The following ADGRD1 variants were observed in gnomAD, a reference collection of about 807,000 sequenced individuals.
ADGRD1 encodes G-protein coupled receptor 133.
A neutral mutation model predicts 113.4 loss-of-function variants in ADGRD1; 77 were observed. The ratio of observed to expected loss-of-function variants is 0.68; its 90% CI spans 0.57 to 0.82. ADGRD1 has a LOEUF of 0.82. Ranked by LOEUF, ADGRD1 falls within the 40% of genes least tolerant of loss-of-function variation. The pLI is 0.00. For missense variants in ADGRD1, 1,036 were observed against 1,139.1 expected (o/e 0.91, Z 1.30); for synonymous variants, 474 against 475.0 (o/e 1.00, Z 0.03).
rs1025827605 is a variant in ADGRD1, at chr12:131,139,921, G to A, written c.*658G>A. 1.3e-5 allele frequency: 2 copies of A among 152,574 alleles called. No individual in the cohort carries two copies. Among genetic ancestry groups the A allele is most frequent in the African/African-American group, 4.8e-5 (2 of 41,480 alleles). 9.5% of individuals were successfully genotyped at this position (152,574 alleles called of 1,614,324 possible). On this transcript the variant is annotated 3_prime_UTR_variant, in exon 25 of 25. Transcript: ENST00000261654. ...TGGGCGGGAGTCGTTGACTCTCCAG[G>A]TGAGGGCGACCCCTCTGCCCTGTCC... is the stretch of plus-strand genomic sequence containing the variant.
intron 22 of ADGRD1, 108 bp from the exon 23 acceptor site, chr12:131,136,865 A>G (rs1009031527): frequency 2.5e-5 from 22 of 892,656 alleles, no homozygotes; most frequent in Non-Finnish European, 3.4e-5. Context: ...ACCTGGTGTC[A>G]CAGTGTGCGG....
intron 13 of ADGRD1, among the ~76,000 whole-genome samples, chr12:131,032,709 C>A (rs1005211977): frequency 7.3e-6 from 1 of 137,524 alleles, no homozygotes; most frequent in African/African-American, 3.4e-5. Context: ...ATCGCCACCC[C>A]ATCACAGAGA....
intron 2 of ADGRD1, chr12:130,957,261 A>C (rs1302812439): frequency 2.6e-5 from 4 of 152,354 alleles, no homozygotes; most frequent in African/African-American, 9.7e-5. Flanking sequence ...ACACACATCC[A>C]CATGCATCCA....
rs149530758 is a variant in ADGRD1 at position 131,073,557 on chromosome 12, G to A, written c.1474-3244G>A. ...TTTTGCTTGGGACAATGTTGGACACGTAGCTCCCCAAATTATTTACAGGTA... is the reference window on the plus strand; with the variant it reads ...TTTTGCTTGGGACAATGTTGGACACATAGCTCCCCAAATTATTTACAGGTA... On this transcript the variant is annotated intron_variant, in intron 13 of 24. Coordinates refer to ENST00000261654, the MANE Select transcript of ADGRD1 (RefSeq NM_198827.5). Among the ~76,000 whole-genome samples, 68 of 152,304 alleles carry A rather than the reference G, an allele frequency of 4.5e-4. 1 individual carries two copies. The highest frequency in any genetic ancestry group is 1.7e-3 in the Admixed American group (26 of 15,304).
intron 21 of ADGRD1, among the ~76,000 whole-genome samples, chr12:131,133,580 A>C (rs1299563391): frequency 2.0e-5 from 3 of 152,194 alleles, no homozygotes; most frequent in Non-Finnish European, 4.4e-5. Context: ...CAGCCCAGGG[A>C]TGCGTCCCTT....
At chr12:131,129,364 T>C (rs1211733) in intron 20 of ADGRD1, among the ~76,000 whole-genome samples, 62,494 of 98,496 alleles carry the variant, frequency 0.63, 20,661 homozygotes, top group Non-Finnish European at 0.72. Context: ...AGTGACAGGC[T>C]GGCCCTCCTG....
chr12:131,090,964 G>A (rs916340546), intron 15 of ADGRD1, among the ~76,000 whole-genome samples: 1 of 152,150 alleles, frequency 6.6e-6, no homozygotes, highest in African/African-American at 2.4e-5. Flanking sequence ...GAAACATGGC[G>A]TCATCTCTGG....
intron 13 of ADGRD1, among the ~76,000 whole-genome samples, chr12:131,045,681 G>A (rs1882625592): frequency 6.6e-6 from 1 of 152,186 alleles, no homozygotes; most frequent in African/African-American, 2.4e-5. Context: ...TCACCATGCT[G>A]CCCAAATCCA....
chr12:131,086,030 A>C (rs1886437843), intron 15 of ADGRD1, among the ~76,000 whole-genome samples: 1 of 152,088 alleles, frequency 6.6e-6, no homozygotes, highest in South Asian at 2.1e-4. Flanking sequence ...AGGGGGCACC[A>C]AGCTCAGGTG....
intron 13 of ADGRD1, among the ~76,000 whole-genome samples, chr12:131,072,407 T>C (rs898546463): frequency 6.6e-6 from 1 of 152,206 alleles, no homozygotes; most frequent in African/African-American, 2.4e-5. Flanking sequence ...TCGGTGGGTC[T>C]CTCTGACCCT....
intron 9 of ADGRD1, chr12:131,002,982 C>A: frequency 1.4e-6 from 1 of 716,326 alleles, no homozygotes; most frequent in Non-Finnish European, 2.4e-6. Context: ...TCCACCTGGG[C>A]TGTGTCCATG....
At chr12:130,995,353 C>T (rs1593317208) in intron 8 of ADGRD1, among the ~76,000 whole-genome samples, 1 of 152,250 alleles carries the variant, frequency 6.6e-6, no homozygotes, top group East Asian at 1.9e-4. Flanking sequence ...TCCTTATTGG[C>T]TGTCTGGTTT....
intron 13 of ADGRD1, among the ~76,000 whole-genome samples, chr12:131,017,854 G>A (rs890850094): frequency 7.0e-6 from 1 of 142,978 alleles, no homozygotes; most frequent in Non-Finnish European, 1.5e-5. Context: ...CACACACCCA[G>A]CACAGGCACA....
At chr12:131,070,588 G>A (rs933352967) in intron 13 of ADGRD1, 2 of 264,308 alleles carry the variant, frequency 7.6e-6, no homozygotes, top group Non-Finnish European at 1.6e-5. Flanking sequence ...GCTGCTCTGC[G>A]GGGACTCGGT....
In ADGRD1 at chr12:131,057,517, T is replaced by C. The variant is rs960442680; in HGVS notation, c.1474-19284T>C. Among the ~76,000 whole-genome samples the C allele has an allele frequency of 2.0e-5, 3 of 152,136 alleles. No individual in the cohort carries two copies. The highest frequency in any genetic ancestry group is 4.4e-5 in the Non-Finnish European group (3 of 68,026). On this transcript the variant is annotated intron_variant, in intron 13 of 24. Coordinates refer to ENST00000261654, the MANE Select transcript of ADGRD1 (RefSeq NM_198827.5). This position sits in a 1 kb window ranked among gnomAD's most constrained non-coding sequence, Gnocchi z 4.2. ...GGCAGAGCTAGTTCGTTCTGGAGGCTCAGCGGGAACGTCCACCCCTGCCTG... is the reference window on the plus strand; with the variant it reads ...GGCAGAGCTAGTTCGTTCTGGAGGCCCAGCGGGAACGTCCACCCCTGCCTG...
intron 23 of ADGRD1, 133 bp downstream of exon 23, chr12:131,137,147 G>C: frequency 1.3e-6 from 1 of 763,332 alleles, no homozygotes; most frequent in East Asian, 2.5e-5. Flanking sequence ...CCACGTTCCT[G>C]ATGCCAAGTT....
At chr12:131,076,321 T>C (rs1470989420) in intron 13 of ADGRD1, among the ~76,000 whole-genome samples, 1 of 152,116 alleles carries the variant, frequency 6.6e-6, no homozygotes, top group Non-Finnish European at 1.5e-5. Flanking sequence ...ATATGCCACA[T>C]GGTGATCAAG....
intron 15 of ADGRD1, among the ~76,000 whole-genome samples, chr12:131,102,707 C>T (rs753483918): frequency 2.0e-5 from 3 of 152,188 alleles, no homozygotes; most frequent in Non-Finnish European, 2.9e-5. Flanking sequence ...CATCGTGGCA[C>T]CTGCTGCAGG....
At chr12:131,048,848 G>A (rs765261164) in intron 13 of ADGRD1, among the ~76,000 whole-genome samples, 21 of 152,138 alleles carry the variant, frequency 1.4e-4, no homozygotes, top group Non-Finnish European at 2.8e-4. Context: ...TCCCCTCTCC[G>A]AGACTGTGCA....
Sources: allele counts gnomAD v4.1 joint callset (sites outside exome capture counted in the v4.1 genomes callset), GRCh38; gene constraint gnomAD v4.1.1; non-coding constraint Gnocchi (gnomAD v3.1); transcripts MANE v1.5; gene names NCBI Gene and HGNC (gene_info 2026-07-23, HGNC 2026-07-21).